EGFR: variants seen among roughly 807,000 people sequenced by gnomAD.
EGFR encodes the protein avian erythroblastic leukemia viral (v-erb-b) oncogene homolog.
In EGFR, 58 loss-of-function variants were observed where a neutral mutation model predicts 143.0. The ratio of observed to expected loss-of-function variants is 0.41; its 90% CI spans 0.33 to 0.50. EGFR has a LOEUF of 0.50. Among genes scored for constraint, EGFR ranks in the 20% least tolerant of loss-of-function variants. The probability of loss-of-function intolerance (pLI) is 0.39; values close to 1 mark genes in which losing one functional copy is unlikely to be tolerated. For synonymous variants in EGFR, 613 were observed against 594.4 expected, an observed-to-expected ratio of 1.03 and a Z score of -0.45; for missense variants, 1,307 against 1,579.0, an observed-to-expected ratio of 0.83 and a Z score of 2.92.
chr7:55,063,445 G>A (rs747357980), intron 1 of EGFR, among the ~76,000 whole-genome samples: 7 of 152,166 alleles, frequency 4.6e-5, no homozygotes, highest in East Asian at 3.9e-4. Flanking sequence ...GTTAGTGTGT[G>A]TGTTTAAGAT....
At chr7:55,067,862 CTG>C (rs1039423087) in intron 1 of EGFR, among the ~76,000 whole-genome samples, 9 of 150,106 alleles carry the variant, frequency 6.0e-5, no homozygotes, top group African/African-American at 2.0e-4. Context: ...CTGTGTGTGT[CTG>C]TGTGTCTCTG....
At chr7:55,067,092 C>A (rs1290532598) in intron 1 of EGFR, among the ~76,000 whole-genome samples, 1 of 152,180 alleles carries the variant, frequency 6.6e-6, no homozygotes, top group African/African-American at 2.4e-5. Context: ...ATCTCTCCTG[C>A]AGCACTGCTG....
Position 55,202,700 on chromosome 7 carries a change from C to T in EGFR, c.3271+75C>T, listed in dbSNP as rs753884984. 6.6e-6 allele frequency: 9 copies of T among 1,372,102 alleles called. No homozygotes were observed. In the African/African-American group the frequency reaches 7.2e-5, roughly 11 times the overall value. 85.0% of individuals were successfully genotyped at this position (1,372,102 alleles called of 1,614,324 possible). ...CTCAGCAGCAGCCAGTCTCCAGTGT[C>T]CAAGCCAGGTGCTCCCTCCAGCATC... On this transcript the variant is annotated intron_variant, in intron 27 of 27. Coordinates refer to ENST00000275493, the MANE Select transcript of EGFR (RefSeq NM_005228.5).
chr7:55,156,683 G>C (rs774786240), intron 9 of EGFR, 24 bp downstream of exon 9: 3 of 1,614,214 alleles, frequency 1.9e-6, no homozygotes, highest in East Asian at 4.5e-5. Flanking sequence ...TCAGTTGCTT[G>C]TATAAAGAAA....
chr7:55,094,031 A>G (rs1791293107), intron 1 of EGFR, among the ~76,000 whole-genome samples: 1 of 152,190 alleles, frequency 6.6e-6, no homozygotes. Context: ...GAGCGTGTGT[A>G]ACGTAAAAAG....
At chr7:55,133,909 C>T (rs1793993074) in intron 1 of EGFR, among the ~76,000 whole-genome samples, 1 of 152,214 alleles carries the variant, frequency 6.6e-6, no homozygotes, top group African/African-American at 2.4e-5. Flanking sequence ...AAAAGTATGC[C>T]TGTGTGTAAA....
chr7:55,019,729 G>C (rs1380516175), intron 1 of EGFR, among the ~76,000 whole-genome samples: 1 of 152,182 alleles, frequency 6.6e-6, no homozygotes, highest in African/African-American at 2.4e-5. Context: ...GCTGGTGGGC[G>C]CCTGGGGCCG....
chr7:55,198,122 C>G (rs770109533), intron 22 of EGFR, among the ~76,000 whole-genome samples: 20 of 152,108 alleles, frequency 1.3e-4, no homozygotes, highest in Admixed American at 2.6e-4. Flanking sequence ...ATGAATCCAT[C>G]TAGTCTTAGG....
Position 55,027,991 on chromosome 7 carries a change from A to AATAT in EGFR, c.88+8658_88+8661dup, listed in dbSNP as rs374300539. On this transcript the variant is annotated intron_variant, in intron 1 of 27. Transcript: ENST00000275493. ...GCCTTTATGTAAAAAAAAAAAAAAA[A>AATAT]ATATATATATATATATATATATATA... 6.8e-3 allele frequency among the ~76,000 whole-genome samples: 374 copies of AATAT among 54,952 alleles called. 2 individuals are homozygous for AATAT. Among genetic ancestry groups the AATAT allele is most frequent in the East Asian group, 0.014 (17 of 1,186 alleles). The allele number at this position is 54,952 out of a possible 152,430, so 36.1% of individuals were successfully genotyped here.
At chr7:55,138,763 A>T (rs1794297783) in intron 1 of EGFR, among the ~76,000 whole-genome samples, 1 of 152,222 alleles carries the variant, frequency 6.6e-6, no homozygotes, top group Admixed American at 6.5e-5. Flanking sequence ...ATGTTGCTAT[A>T]CCCATATCAC....
At chr7:55,028,925 C>T (rs911044014) in intron 1 of EGFR, among the ~76,000 whole-genome samples, 7 of 151,970 alleles carry the variant, frequency 4.6e-5, no homozygotes, top group Admixed American at 1.3e-4. Flanking sequence ...TTTCAGAGGC[C>T]GAGGCGGGCG....
chr7:55,119,784 G>C (rs1345377247), intron 1 of EGFR, among the ~76,000 whole-genome samples: 2 of 152,128 alleles, frequency 1.3e-5, no homozygotes, highest in African/African-American at 4.8e-5. Context: ...TGTCTTGAAA[G>C]GTCCTTCTAT....
At chr7:55,179,329 C>T (rs769432218) in intron 19 of EGFR, among the ~76,000 whole-genome samples, 2 of 152,190 alleles carry the variant, frequency 1.3e-5, no homozygotes, top group Non-Finnish European at 2.9e-5. Context: ...GGCCTGGGGG[C>T]GGGACCCAAG....
At chr7:55,151,432 G>C (rs899819151) in intron 5 of EGFR, 70 bp downstream of exon 5, 1 of 1,534,334 alleles carries the variant, frequency 6.5e-7, no homozygotes, top group East Asian at 2.2e-5. Flanking sequence ...TAGGTGATTG[G>C]ATTTGTTTTC....
intron 1 of EGFR, among the ~76,000 whole-genome samples, chr7:55,096,841 G>T (rs1009045848): frequency 1.3e-5 from 2 of 152,156 alleles, no homozygotes; most frequent in Admixed American, 1.3e-4. Context: ...AGGGCACAGG[G>T]TCCCTCCTGG....
chr7:55,098,686 G>A (rs932052416), intron 1 of EGFR, among the ~76,000 whole-genome samples: 7 of 151,990 alleles, frequency 4.6e-5, no homozygotes, highest in African/African-American at 1.2e-4. Context: ...AAGTTACTCC[G>A]GCAATATAAA....
intron 24 of EGFR, 172 bp downstream of exon 24, chr7:55,200,585 G>C (rs977407122): frequency 5.7e-6 from 4 of 704,692 alleles, no homozygotes; most frequent in Non-Finnish European, 1.0e-5. Flanking sequence ...CGTGAACTAA[G>C]CAGCATCCGT....
intron 8 of EGFR, among the ~76,000 whole-genome samples, 176 bp from the exon 9 acceptor site, chr7:55,156,357 C>G (rs533250501): frequency 1.2e-4 from 18 of 152,342 alleles, no homozygotes; most frequent in South Asian, 4.1e-4. Context: ...TGGTGTCCCC[C>G]CTTCCCGCCT....
At chr7:55,132,584 T>G (rs1793910936) in intron 1 of EGFR, among the ~76,000 whole-genome samples, 1 of 152,238 alleles carries the variant, frequency 6.6e-6, no homozygotes, top group Non-Finnish European at 1.5e-5. Flanking sequence ...TCTTCTAATC[T>G]GAATGTGAAG....
Sources: allele counts gnomAD v4.1 joint callset (sites outside exome capture counted in the v4.1 genomes callset), GRCh38; gene constraint gnomAD v4.1.1; transcripts MANE v1.5; gene names NCBI Gene and HGNC (gene_info 2026-07-23, HGNC 2026-07-21).